Variants in CCDC148 observed in about 807,000 individuals in gnomAD.
CCDC148 encodes the protein coiled-coil domain containing 148.
Under a neutral mutation model 85.7 loss-of-function variants are expected in CCDC148, and 89 were observed. That is an observed-to-expected ratio of 1.04 (90% CI 0.87 to 1.24). CCDC148 has a LOEUF of 1.24. Ranked by LOEUF, CCDC148 falls within the 50% of genes most tolerant of loss-of-function variation. CCDC148 has a pLI of 0.00. For synonymous variants in CCDC148, 230 were observed against 213.9 expected (o/e 1.08, Z -0.66); for missense variants, 692 against 671.7 (o/e 1.03, Z -0.33).
intron 1 of CCDC148, among the ~76,000 whole-genome samples, chr2:158,416,337 C>T (rs892516588): frequency 3.9e-5 from 6 of 152,216 alleles, no homozygotes; most frequent in Non-Finnish European, 7.3e-5. Context: ...TAACATTTGG[C>T]TCCTCTTTAC....
At chr2:158,218,754 T>C (rs1687018249) in intron 11 of CCDC148, among the ~76,000 whole-genome samples, 1 of 152,240 alleles carries the variant, frequency 6.6e-6, no homozygotes, top group Non-Finnish European at 1.5e-5. Context: ...TTCTGACCCA[T>C]GGCCTGTATC....
chr2:158,390,215 C>T (rs901249257), intron 1 of CCDC148, among the ~76,000 whole-genome samples: 1 of 152,088 alleles, frequency 6.6e-6, no homozygotes, highest in Non-Finnish European at 1.5e-5. Context: ...TATTATATGG[C>T]TCAATTCCTC....
chr2:158,247,445 C>T (rs921039204), intron 10 of CCDC148, among the ~76,000 whole-genome samples: 5 of 152,276 alleles, frequency 3.3e-5, no homozygotes, highest in African/African-American at 1.2e-4. Flanking sequence ...TGAACACACG[C>T]ATCAGTACAA....
At chr2:158,349,144 A>G (rs1257429746) in intron 2 of CCDC148, among the ~76,000 whole-genome samples, 1 of 152,078 alleles carries the variant, frequency 6.6e-6, no homozygotes, top group South Asian at 2.1e-4. Flanking sequence ...TATCAGTAGT[A>G]CAAATCAGAC....
intron 2 of CCDC148, among the ~76,000 whole-genome samples, chr2:158,351,325 G>A (rs145964384): frequency 0.071 from 10,820 of 152,234 alleles, 537 homozygotes; most frequent in South Asian, 0.12. Flanking sequence ...CTGAGGTACC[G>A]GGTTCATCTC....
chr2:158,419,109 T>C (rs1330079529), intron 1 of CCDC148, among the ~76,000 whole-genome samples: 1 of 152,160 alleles, frequency 6.6e-6, no homozygotes, highest in African/African-American at 2.4e-5. Flanking sequence ...TAGAATTGTA[T>C]GATGATCAAC....
At chr2:158,357,616 A>T (rs546378057) in intron 2 of CCDC148, among the ~76,000 whole-genome samples, 1 of 152,320 alleles carries the variant, frequency 6.6e-6, no homozygotes, top group East Asian at 1.9e-4. Context: ...AAAGTTATAT[A>T]AACCAAATAA....
chr2:158,301,560 C>G (rs1299829529), intron 9 of CCDC148, among the ~76,000 whole-genome samples: 1 of 152,122 alleles, frequency 6.6e-6, no homozygotes, highest in Non-Finnish European at 1.5e-5. Context: ...CACGAGGAGG[C>G]TTAGTGGCCA....
At chr2:158,340,707 G>A in intron 3 of CCDC148, 27 bp from the exon 4 acceptor site, 1 of 1,308,394 alleles carries the variant, frequency 7.6e-7, no homozygotes, top group South Asian at 1.3e-5. Flanking sequence ...CTCAATAAAT[G>A]TTACAATCAT....
intron 10 of CCDC148, among the ~76,000 whole-genome samples, chr2:158,233,688 G>A (rs1016706686): frequency 3.3e-5 from 5 of 151,954 alleles, no homozygotes; most frequent in African/African-American, 7.3e-5. Context: ...GTTTGGAGGT[G>A]CATTTAATCC....
At chr2:158,207,803 G>A (rs1399454809) in intron 11 of CCDC148, among the ~76,000 whole-genome samples, 2 of 152,194 alleles carry the variant, frequency 1.3e-5, no homozygotes, top group African/African-American at 2.4e-5. Context: ...TCAACCTATT[G>A]AGTAAAGAAC....
At chr2:158,268,949 A>G (rs1273712535) in intron 9 of CCDC148, among the ~76,000 whole-genome samples, 1 of 152,142 alleles carries the variant, frequency 6.6e-6, no homozygotes, top group Non-Finnish European at 1.5e-5. Flanking sequence ...CACATGCCAC[A>G]ATTGCTTGAT....
intron 11 of CCDC148, among the ~76,000 whole-genome samples, chr2:158,215,321 T>G (rs1686791313): frequency 6.6e-6 from 1 of 152,094 alleles, no homozygotes; most frequent in Non-Finnish European, 1.5e-5. Flanking sequence ...TTAAAAGAAT[T>G]AGGTAGGTTT....
intron 10 of CCDC148, among the ~76,000 whole-genome samples, chr2:158,230,681 C>G (rs1482882401): frequency 6.6e-6 from 1 of 152,030 alleles, no homozygotes; most frequent in African/African-American, 2.4e-5. Context: ...AAAAAGAGAG[C>G]TCTCGATATG....
At chr2:158,346,283 G>C (rs904512601) in intron 2 of CCDC148, among the ~76,000 whole-genome samples, 1 of 152,140 alleles carries the variant, frequency 6.6e-6, no homozygotes, top group African/African-American at 2.4e-5. Flanking sequence ...GAAGCCAAAG[G>C]ATTATGTCAT....
At chr2:158,186,802 T>C (rs1279035617) in intron 11 of CCDC148, among the ~76,000 whole-genome samples, 3 of 151,842 alleles carry the variant, frequency 2.0e-5, no homozygotes, top group Non-Finnish European at 4.4e-5. Flanking sequence ...CCTCCTGAAA[T>C]TTTTTTTCTA....
chr2:158,182,286 T>C (rs1288871386), intron 11 of CCDC148, among the ~76,000 whole-genome samples: 1 of 151,778 alleles, frequency 6.6e-6, no homozygotes, highest in East Asian at 1.9e-4. Flanking sequence ...AGGCCTGGGA[T>C]TGATTCCTAA....
chr2:158,354,275 T>C (rs1313895600), intron 2 of CCDC148, among the ~76,000 whole-genome samples: 9 of 151,904 alleles, frequency 5.9e-5, no homozygotes, highest in African/African-American at 1.4e-4. Context: ...TTCAAAAAAT[T>C]AATGAATCCA....
chr2:158,332,541 G>T (rs1693192233), intron 7 of CCDC148, among the ~76,000 whole-genome samples: 1 of 148,374 alleles, frequency 6.7e-6, no homozygotes, highest in Admixed American at 6.7e-5. Flanking sequence ...GATGATGCTG[G>T]CCTTATAAAA....
Sources: allele counts gnomAD v4.1 joint callset (sites outside exome capture counted in the v4.1 genomes callset), GRCh38; gene constraint gnomAD v4.1.1; transcripts MANE v1.5; gene names NCBI Gene and HGNC (gene_info 2026-07-23, HGNC 2026-07-21).